SNTG1: variants seen among roughly 807,000 people sequenced by gnomAD.
The protein encoded by SNTG1 is syntrophin gamma 1.
In SNTG1, 39 loss-of-function variants were observed where a neutral mutation model predicts 74.7. The observed-to-expected ratio is 0.52, with a 90% CI of 0.40 to 0.68. SNTG1 has a LOEUF of 0.68. Among genes scored for constraint, SNTG1 ranks in the 30% least tolerant of loss-of-function variants. The pLI, the probability that SNTG1 is intolerant of heterozygous loss-of-function variation, is 0.00. For missense variants in SNTG1, 685 were observed against 609.5 expected (o/e 1.12, Z -1.30); for synonymous variants, 254 against 217.1 (o/e 1.17, Z -1.49).
chr8:50,603,133 C>A (rs2094787446), intron 13 of SNTG1, among the ~76,000 whole-genome samples: 1 of 152,154 alleles, frequency 6.6e-6, no homozygotes, highest in Non-Finnish European at 1.5e-5. Flanking sequence ...CCTTCTCTTT[C>A]AGACCAATAA....
intron 2 of SNTG1, among the ~76,000 whole-genome samples, chr8:50,309,414 A>G (rs958691397): frequency 2.0e-5 from 3 of 152,274 alleles, no homozygotes; most frequent in African/African-American, 4.8e-5. Flanking sequence ...TCAAGAAGAG[A>G]AAGTCAGATG....
chr8:50,009,076 C>T (rs1372125795), intron 1 of SNTG1, among the ~76,000 whole-genome samples: 1 of 151,926 alleles, frequency 6.6e-6, no homozygotes, highest in Admixed American at 6.6e-5. Context: ...ATTTTGGATT[C>T]CCATGCTTAT....
At chr8:50,620,153 C>T (rs1313898428) in intron 13 of SNTG1, among the ~76,000 whole-genome samples, 1 of 152,106 alleles carries the variant, frequency 6.6e-6, no homozygotes, top group Non-Finnish European at 1.5e-5. Flanking sequence ...TTGTGGTTGA[C>T]GATCTGAGGT....
At position 50,014,110 on chromosome 8, in the gene SNTG1, C is replaced by T. The variant is rs556409749; in HGVS notation, c.-103+101879C>T. Among the ~76,000 whole-genome samples the T allele has an allele frequency of 7.9e-5, 12 of 152,234 alleles. No individual in the cohort carries two copies. In the South Asian group the frequency reaches 2.3e-3, roughly 29 times the overall value. Reference sequence around the variant, plus strand: ...GTTTTAAGTTGGTGCTATCCCCATCCTTTCCACCACACACAGCAGCTCAGT... The same window carrying T: ...GTTTTAAGTTGGTGCTATCCCCATCTTTTCCACCACACACAGCAGCTCAGT... On this transcript the variant is annotated intron_variant, in intron 1 of 18. Transcript: ENST00000642720.
In SNTG1 at chr8:50,704,718, A is replaced by G. The variant is rs1319936370; in HGVS notation, c.1157A>G (p.Gln386Arg). The G allele has an allele frequency of 2.5e-6, 4 of 1,614,166 alleles. No homozygotes were observed. Among genetic ancestry groups the G allele is most frequent in the Non-Finnish European group, 3.4e-6 (4 of 1,180,020 alleles). ...SDLAQWERAF[Q>R]TATFLEVERI... ...CTCGCCCAGTGGGAAAGAGCCTTCC[A>G]GACAGCAACCTTTCTAGAAGTAGAA... Residue 386 changes from glutamine to arginine, a missense_variant, in exon 16 of 19, where the codon CAG (glutamine) becomes CGG (arginine). Gln to Arg is a conservative substitution (Grantham distance 43). Coordinates refer to ENST00000642720, the MANE Select transcript of SNTG1 (RefSeq NM_018967.5).
chr8:50,542,745 A>G (rs965536355), intron 11 of SNTG1, among the ~76,000 whole-genome samples: 2 of 152,128 alleles, frequency 1.3e-5, no homozygotes, highest in Non-Finnish European at 2.9e-5. Context: ...CCACATCCTC[A>G]ACAGCATTTG....
chr8:50,555,424 GA>G (rs2094450375), intron 12 of SNTG1, among the ~76,000 whole-genome samples: 1 of 152,274 alleles, frequency 6.6e-6, no homozygotes. Flanking sequence ...TGATTTCAGA[GA>G]AGGCAGAATG....
chr8:50,522,681 C>T (rs2094189776), intron 9 of SNTG1, among the ~76,000 whole-genome samples: 1 of 150,526 alleles, frequency 6.6e-6, no homozygotes, highest in South Asian at 2.1e-4. Flanking sequence ...GAGGTTCAAG[C>T]AATTCTCCTG....
At chr8:50,165,485 A>T (rs1485631254) in intron 1 of SNTG1, among the ~76,000 whole-genome samples, 1 of 152,166 alleles carries the variant, frequency 6.6e-6, no homozygotes, top group East Asian at 1.9e-4. Flanking sequence ...TCATCCTTGT[A>T]CTCATCTCCA....
rs577313914 is a variant in SNTG1, at chr8:50,148,339, G to T, written c.-102-24222G>T. On this transcript the variant is annotated intron_variant, in intron 1 of 18. Coordinates refer to ENST00000642720, the MANE Select transcript of SNTG1 (RefSeq NM_018967.5). ...ATATCACTACTTTTGAGTGTAGGTT[G>T]GACTTAGAGACTCACTTTCAAAGAA... Among the ~76,000 whole-genome samples the T allele has an allele frequency of 8.5e-5, 13 of 152,100 alleles. No homozygotes were observed. In the South Asian group the frequency reaches 2.5e-3, roughly 29 times the overall value.
At chr8:50,649,956 TG>T (rs2095134575) in intron 13 of SNTG1, among the ~76,000 whole-genome samples, 1 of 151,948 alleles carries the variant, frequency 6.6e-6, no homozygotes, top group African/African-American at 2.4e-5. Context: ...ATCATGGACT[TG>T]TTTATCTTCT....
intron 13 of SNTG1, among the ~76,000 whole-genome samples, chr8:50,649,041 A>T (rs2095128005): frequency 6.6e-6 from 1 of 152,180 alleles, no homozygotes; most frequent in Non-Finnish European, 1.5e-5. Flanking sequence ...GTTCCATGTA[A>T]CTATAATTTA....
intron 15 of SNTG1, among the ~76,000 whole-genome samples, chr8:50,694,333 C>A (rs1204162790): frequency 3.3e-5 from 5 of 151,514 alleles, no homozygotes; most frequent in Non-Finnish European, 7.4e-5. Flanking sequence ...AATTGGATAA[C>A]CTAGAAGAAA....
intron 1 of SNTG1, among the ~76,000 whole-genome samples, chr8:50,131,015 A>T (rs1182925173): frequency 6.6e-6 from 1 of 152,148 alleles, no homozygotes; most frequent in East Asian, 1.9e-4. Context: ...AATATAGACC[A>T]TAGGAAGGAG....
chr8:50,189,885 C>G (rs529755960), intron 2 of SNTG1, among the ~76,000 whole-genome samples: 1 of 152,066 alleles, frequency 6.6e-6, no homozygotes, highest in Non-Finnish European at 1.5e-5. Flanking sequence ...TTTTTTGAAT[C>G]CCAATTCTAA....
At chr8:50,103,241 A>G (rs1195679114) in intron 1 of SNTG1, among the ~76,000 whole-genome samples, 2 of 152,286 alleles carry the variant, frequency 1.3e-5, no homozygotes, top group African/African-American at 2.4e-5. Flanking sequence ...TTCATTGAGC[A>G]GTGGTTTGTA....
At chr8:50,664,427 T>C (rs571972116) in intron 15 of SNTG1, among the ~76,000 whole-genome samples, 61 of 152,282 alleles carry the variant, frequency 4.0e-4, no homozygotes, top group Non-Finnish European at 4.3e-4. Context: ...GCCACAAACA[T>C]TGAAAATCTA....
intron 1 of SNTG1, among the ~76,000 whole-genome samples, chr8:50,017,622 A>G (rs1470073492): frequency 6.6e-6 from 1 of 152,020 alleles, no homozygotes; most frequent in African/African-American, 2.4e-5. Flanking sequence ...TGGAATAGCA[A>G]TATCAGGCAA....
chr8:50,663,358 C>T (rs1397693800), intron 15 of SNTG1, among the ~76,000 whole-genome samples: 1 of 152,086 alleles, frequency 6.6e-6, no homozygotes, highest in Admixed American at 6.6e-5. Context: ...ACTGAGGTTG[C>T]CCATTTAAAA....
Sources: allele counts gnomAD v4.1 joint callset (sites outside exome capture counted in the v4.1 genomes callset), GRCh38; gene constraint gnomAD v4.1.1; transcripts MANE v1.5; gene names NCBI Gene and HGNC (gene_info 2026-07-23, HGNC 2026-07-21).